GRM7: variants seen among roughly 807,000 people sequenced by gnomAD.
GRM7 encodes metabotropic glutamate receptor 7.
GRM7 carries 35 observed loss-of-function variants against 84.5 expected under a neutral mutation model. That is an observed-to-expected ratio of 0.41 (90% CI 0.32 to 0.55). GRM7 has a LOEUF of 0.55. Among genes scored for constraint, GRM7 ranks in the 20% least tolerant of loss-of-function variants. GRM7 has a pLI of 0.19. For synonymous variants in GRM7, 487 were observed against 455.1 expected, an observed-to-expected ratio of 1.07 and a Z score of -0.89; for missense variants, 1,003 against 1,194.6, an observed-to-expected ratio of 0.84 and a Z score of 2.36.
chr3:7,420,469 A>G (rs899616743), intron 5 of GRM7, among the ~76,000 whole-genome samples: 2 of 152,164 alleles, frequency 1.3e-5, no homozygotes, highest in Admixed American at 6.6e-5. Context: ...ATGAGAAGCA[A>G]TGTCAAATGC....
At chr3:7,709,728 C>A (rs964080281) in intron 9 of GRM7, among the ~76,000 whole-genome samples, 5 of 152,166 alleles carry the variant, frequency 3.3e-5, no homozygotes, top group Non-Finnish European at 7.3e-5. Flanking sequence ...ATAAACACAG[C>A]CCAAAACTCC....
chr3:7,364,074 A>G (rs1204148618), intron 4 of GRM7, among the ~76,000 whole-genome samples: 15 of 152,008 alleles, frequency 9.9e-5, no homozygotes, highest in Non-Finnish European at 1.5e-5. Flanking sequence ...ATATAATTCT[A>G]TTTAATCTAC....
intron 9 of GRM7, among the ~76,000 whole-genome samples, chr3:7,710,675 G>C (rs1701550117): frequency 6.6e-6 from 1 of 152,048 alleles, no homozygotes; most frequent in Non-Finnish European, 1.5e-5. Context: ...TCCTTCCCCG[G>C]TAAACTTCAC....
intron 2 of GRM7, among the ~76,000 whole-genome samples, chr3:7,257,025 TG>T (rs1698234037): frequency 1.3e-5 from 2 of 152,230 alleles, no homozygotes; most frequent in South Asian, 4.2e-4. Flanking sequence ...GAAGTGAAAG[TG>T]GGGGTTATAT....
intron 2 of GRM7, among the ~76,000 whole-genome samples, chr3:7,207,878 A>G (rs1041784149): frequency 6.6e-6 from 1 of 152,208 alleles, no homozygotes; most frequent in Non-Finnish European, 1.5e-5. Context: ...TTTATCTTTC[A>G]TATGCCTCTG....
At chr3:7,683,614 T>C (rs1486328780) in intron 9 of GRM7, among the ~76,000 whole-genome samples, 1 of 152,228 alleles carries the variant, frequency 6.6e-6, no homozygotes, top group African/African-American at 2.4e-5. Flanking sequence ...ACAAAAGCTG[T>C]CCAACAGTAC....
At chr3:7,661,683 A>G (rs941934890) in intron 8 of GRM7, among the ~76,000 whole-genome samples, 1 of 149,732 alleles carries the variant, frequency 6.7e-6, no homozygotes, top group Non-Finnish European at 1.5e-5. Flanking sequence ...GGTCCCAGCT[A>G]CTCCGAAGGC....
chr3:7,017,843 A>G (rs1430863216), intron 1 of GRM7, among the ~76,000 whole-genome samples: 1 of 152,186 alleles, frequency 6.6e-6, no homozygotes, highest in Non-Finnish European at 1.5e-5. Context: ...TTTCTCAGTT[A>G]ATGTTAACTG....
chr3:7,586,716 G>T (rs747415122), intron 8 of GRM7, among the ~76,000 whole-genome samples: 1 of 152,072 alleles, frequency 6.6e-6, no homozygotes, highest in Non-Finnish European at 1.5e-5. Context: ...GTGGAGGCAC[G>T]AGAAGTGCTT....
intron 5 of GRM7, among the ~76,000 whole-genome samples, chr3:7,431,125 C>G (rs1438545840): frequency 6.6e-6 from 1 of 152,226 alleles, no homozygotes; most frequent in East Asian, 1.9e-4. Flanking sequence ...GTCGGGCTAA[C>G]TTGACACACG....
intron 5 of GRM7, among the ~76,000 whole-genome samples, chr3:7,421,157 T>A (rs1696376738): frequency 6.6e-6 from 1 of 152,220 alleles, no homozygotes; most frequent in Non-Finnish European, 1.5e-5. Flanking sequence ...GTTTATCTTC[T>A]TGTATTATTT....
At chr3:7,597,189 G>C (rs13321611) in intron 8 of GRM7, among the ~76,000 whole-genome samples, 1 of 152,014 alleles carries the variant, frequency 6.6e-6, no homozygotes, top group African/African-American at 2.4e-5. Flanking sequence ...AGACGAGGGG[G>C]ACGTAGGCAT....
chr3:7,468,028 T>C (rs1450090), intron 7 of GRM7, among the ~76,000 whole-genome samples: 51,915 of 152,076 alleles, frequency 0.34, 10,551 homozygotes, highest in Non-Finnish European at 0.48. Context: ...AAGCAGTTGA[T>C]TGCCAAAATC....
chr3:7,361,685 AAGAAAATGAATTATAT>A (rs1159550685), intron 4 of GRM7, among the ~76,000 whole-genome samples: 1 of 152,106 alleles, frequency 6.6e-6, no homozygotes. Context: ...ATGCTAATTT[AAGAAAATGAATTATAT>A]AGAAAATATA....
intron 1 of GRM7, among the ~76,000 whole-genome samples, chr3:7,087,392 CTTTTTT>C (rs55998387): frequency 6.8e-6 from 1 of 147,138 alleles, no homozygotes; most frequent in African/African-American, 2.5e-5. Context: ...AGAATATGCT[CTTTTTT>C]TTTTTTTTAC....
intron 1 of GRM7, among the ~76,000 whole-genome samples, chr3:6,972,885 G>A (rs1267678184): frequency 2.0e-5 from 3 of 152,198 alleles, no homozygotes; most frequent in African/African-American, 7.2e-5. Flanking sequence ...CAGCTGGGCA[G>A]CAAGGCATTT....
chr3:6,876,512 G>T lies in GRM7; in HGVS notation c.519+14605G>T, dbSNP rs546765723. 2.0e-5 allele frequency among the ~76,000 whole-genome samples: 3 copies of T among 151,890 alleles called. No individual in the cohort carries two copies. The South Asian group carries it at 6.2e-4, about 32-fold the overall frequency. ...TGCACACATGGAGCAGAGCTTTGAA[G>T]TGCCTATATACTCATGTTAAAATAT... On this transcript the variant is annotated intron_variant, in intron 1 of 9. Coordinates refer to ENST00000357716, the MANE Select transcript of GRM7 (RefSeq NM_000844.4).
chr3:7,337,826 C>T (rs1575185758), intron 4 of GRM7, among the ~76,000 whole-genome samples: 2 of 152,016 alleles, frequency 1.3e-5, no homozygotes, highest in Middle Eastern at 3.4e-3. Flanking sequence ...ACTAGTACAA[C>T]CACTATAGAA....
intron 7 of GRM7, among the ~76,000 whole-genome samples, chr3:7,494,655 TGTTTTTACATTAGGTAA>T: frequency 6.6e-6 from 1 of 152,302 alleles, no homozygotes; most frequent in African/African-American, 2.4e-5. Flanking sequence ...GTCTGTTGTC[TGTTTTTACATTAGGTAA>T]GTTCTGATGT....
Sources: allele counts gnomAD v4.1 joint callset (sites outside exome capture counted in the v4.1 genomes callset), GRCh38; gene constraint gnomAD v4.1.1; transcripts MANE v1.5; gene names NCBI Gene and HGNC (gene_info 2026-07-23, HGNC 2026-07-21).